MAGI1: variants seen among roughly 807,000 people sequenced by gnomAD.
MAGI1 encodes membrane-associated guanylate kinase, WW and PDZ domain-containing protein 1.
In MAGI1, 58 loss-of-function variants were observed where a neutral mutation model predicts 139.9. That is an observed-to-expected ratio of 0.41 (90% CI 0.34 to 0.52). The LOEUF (loss-of-function observed/expected upper bound fraction) is 0.52. Among genes scored for constraint, MAGI1 ranks in the 20% least tolerant of loss-of-function variants. The pLI, the probability that MAGI1 is intolerant of heterozygous loss-of-function variation, is 0.12. For missense variants in MAGI1, 1,874 were observed against 1,901.6 expected (o/e 0.99, Z 0.27); for synonymous variants, 812 against 737.9 (o/e 1.10, Z -1.63).
chr3:65,695,925 T>C (rs554328520), intron 1 of MAGI1, among the ~76,000 whole-genome samples: 2 of 152,250 alleles, frequency 1.3e-5, no homozygotes, highest in East Asian at 1.9e-4. Context: ...TAAGATACTT[T>C]CCTTGTTGCT....
chr3:65,926,615 G>C (rs966550952), intron 1 of MAGI1, among the ~76,000 whole-genome samples: 1 of 152,188 alleles, frequency 6.6e-6, no homozygotes, highest in Non-Finnish European at 1.5e-5. Flanking sequence ...GGTGATGAGA[G>C]TGACCTCTGG....
chr3:65,890,523 C>G (rs1035437652), intron 1 of MAGI1, among the ~76,000 whole-genome samples: 6 of 152,184 alleles, frequency 3.9e-5, no homozygotes, highest in African/African-American at 1.4e-4. Context: ...CATTTCATGT[C>G]TGAACAAGGC....
chr3:65,505,393 TAAA>T (rs55921332), intron 2 of MAGI1, among the ~76,000 whole-genome samples: 95 of 145,264 alleles, frequency 6.5e-4, no homozygotes, highest in South Asian at 6.6e-4. Flanking sequence ...CTTGCTTAGT[TAAA>T]AAAAAAAAAA....
At chr3:65,606,227 C>G (rs1449142866) in intron 2 of MAGI1, among the ~76,000 whole-genome samples, 1 of 152,214 alleles carries the variant, frequency 6.6e-6, no homozygotes, top group African/African-American at 2.4e-5. Flanking sequence ...GGCTATGAGT[C>G]AAACACGTAT....
chr3:65,638,824 C>G (rs1285346919), intron 1 of MAGI1, among the ~76,000 whole-genome samples: 2 of 151,776 alleles, frequency 1.3e-5, no homozygotes, highest in Non-Finnish European at 2.9e-5. Flanking sequence ...CCAGGCTGGT[C>G]TTGAACTCCT....
chr3:65,393,696 A>G lies in MAGI1; in HGVS notation c.2200-2338T>C, dbSNP rs552632533. 1.2e-4 allele frequency among the ~76,000 whole-genome samples: 19 copies of G among 152,164 alleles called. No individual in the cohort carries two copies. In the South Asian group the frequency reaches 1.7e-3, roughly 13 times the overall value. On this transcript the variant is annotated intron_variant, in intron 13 of 22. Coordinates refer to ENST00000402939, the MANE Select transcript of MAGI1 (RefSeq NM_001033057.2). ...CACTCTCTTTTGGTTCCTCAAATTA[A>G]TAGATGCCAGATTGATTCCAGGGTC...
chr3:65,601,115 G>A (rs138358560), intron 2 of MAGI1, among the ~76,000 whole-genome samples: 179 of 152,292 alleles, frequency 1.2e-3, no homozygotes, highest in Non-Finnish European at 2.0e-3. Context: ...ACATCAACAC[G>A]CTAACTCTTA....
rs549088666 is a variant in MAGI1, at chr3:65,960,859, G to T, written c.313+77137C>A. On this transcript the variant is annotated intron_variant, in intron 1 of 22. Transcript: ENST00000402939. ...GGCCACAAAGAAAATTCTGAGAAAA[G>T]AGTTGAAATACCCCAGTTAAATAGA... 7.9e-5 allele frequency among the ~76,000 whole-genome samples: 12 copies of T among 152,226 alleles called. No individual in the cohort carries two copies. The South Asian group carries it at 2.5e-3, about 32-fold the overall frequency.
At chr3:65,760,962 A>G (rs1311836832) in intron 1 of MAGI1, among the ~76,000 whole-genome samples, 1 of 152,204 alleles carries the variant, frequency 6.6e-6, no homozygotes, top group East Asian at 1.9e-4. Flanking sequence ...GAGTCTTTGC[A>G]TGCAATGAGC....
Position 66,011,791 on chromosome 3 carries a change from T to A in MAGI1, c.313+26205A>T, listed in dbSNP as rs73833341. On this transcript the variant is annotated intron_variant, in intron 1 of 22. Transcript: ENST00000402939. ...CCCTAACCAATGTCCTATATGGTAATCATCTCTGAGTTTGCTTTCCAGGAA... is the reference window on the plus strand; with the variant it reads ...CCCTAACCAATGTCCTATATGGTAAACATCTCTGAGTTTGCTTTCCAGGAA... Among the ~76,000 whole-genome samples, 989 of 149,354 alleles carry A rather than the reference T, an allele frequency of 6.6e-3. 18 individuals are homozygous for A. The highest frequency in any genetic ancestry group is 0.023 in the African/African-American group (928 of 40,280).
intron 1 of MAGI1, among the ~76,000 whole-genome samples, chr3:65,654,269 G>C (rs1246201956): frequency 3.3e-5 from 5 of 152,144 alleles, no homozygotes; most frequent in Non-Finnish European, 2.9e-5. Context: ...GGAAACTGTT[G>C]TCATTTGATG....
chr3:65,408,949 C>T (rs1192274112), intron 12 of MAGI1, among the ~76,000 whole-genome samples: 3 of 152,184 alleles, frequency 2.0e-5, no homozygotes, highest in African/African-American at 7.2e-5. Flanking sequence ...AACAACTTAG[C>T]AAACAATTTC....
intron 1 of MAGI1, among the ~76,000 whole-genome samples, chr3:65,797,608 T>C (rs1241357963): frequency 2.0e-5 from 3 of 151,978 alleles, no homozygotes; most frequent in Non-Finnish European, 4.4e-5. Context: ...CCCAGCTACC[T>C]GGGAGACTGA....
intron 5 of MAGI1, among the ~76,000 whole-genome samples, chr3:65,463,531 G>A (rs762611429): frequency 1.0e-4 from 15 of 149,320 alleles, no homozygotes; most frequent in African/African-American, 3.0e-4. Context: ...TTTTCACATC[G>A]ATGTTCATCA....
chr3:65,868,166 AAACT>A (rs1279511138), intron 1 of MAGI1, among the ~76,000 whole-genome samples: 2 of 152,130 alleles, frequency 1.3e-5, no homozygotes, highest in Non-Finnish European at 1.5e-5. Context: ...TACCTTTAAG[AAACT>A]AACTGTTATC....
At chr3:65,743,570 G>A (rs1252162560) in intron 1 of MAGI1, among the ~76,000 whole-genome samples, 17 of 152,098 alleles carry the variant, frequency 1.1e-4, no homozygotes, top group African/African-American at 3.4e-4. Flanking sequence ...TTAGCCGGGC[G>A]TGGTGGCATA....
In MAGI1 at chr3:65,493,506, A is replaced by T; in HGVS notation, c.550+6T>A. The T allele has an allele frequency of 6.2e-7, 1 of 1,613,984 alleles. No individual in the cohort carries two copies. On this transcript the variant is annotated splice_donor_region_variant and intron_variant, in intron 3 of 22. Transcript: ENST00000402939. Reference sequence around the variant, plus strand: ...AGCTTTTTATGCTGTCGTACAAGTAACTCACCTTCATAGGTGCCGACTTCC... The same window carrying T: ...AGCTTTTTATGCTGTCGTACAAGTATCTCACCTTCATAGGTGCCGACTTCC...
At chr3:65,941,673 G>A (rs2063322364) in intron 1 of MAGI1, among the ~76,000 whole-genome samples, 1 of 139,882 alleles carries the variant, frequency 7.1e-6, no homozygotes, top group African/African-American at 2.7e-5. Flanking sequence ...CAACTTTAAA[G>A]TCTAAAGCTC....
chr3:65,467,336 G>C (rs1950237632), intron 5 of MAGI1, among the ~76,000 whole-genome samples: 1 of 152,168 alleles, frequency 6.6e-6, no homozygotes, highest in Non-Finnish European at 1.5e-5. Flanking sequence ...GGTAGATCTG[G>C]TTCTAATGCG....
Sources: allele counts gnomAD v4.1 joint callset (sites outside exome capture counted in the v4.1 genomes callset), GRCh38; gene constraint gnomAD v4.1.1; transcripts MANE v1.5; gene names NCBI Gene and HGNC (gene_info 2026-07-23, HGNC 2026-07-21).